Variants in BACH2 observed in about 807,000 individuals in gnomAD.
BACH2 encodes BACH transcriptional regulator 2.
BACH2 carries 5 observed loss-of-function variants against 61.8 expected under a neutral mutation model. The ratio of observed to expected loss-of-function variants is 0.08; its 90% CI spans 0.04 to 0.17. The LOEUF is 0.17. Ranked by LOEUF, BACH2 falls within the 10% of genes least tolerant of loss-of-function variation. The probability of loss-of-function intolerance (pLI) is 1.00; values close to 1 mark genes in which losing one functional copy is unlikely to be tolerated. For synonymous variants in BACH2, 446 were observed against 440.1 expected (o/e 1.01, Z -0.17); for missense variants, 824 against 1,091.1 (o/e 0.76, Z 3.45).
At chr6:89,954,833 T>C (rs1774337832) in intron 6 of BACH2, among the ~76,000 whole-genome samples, 1 of 152,190 alleles carries the variant, frequency 6.6e-6, no homozygotes, top group South Asian at 2.1e-4. Flanking sequence ...ATGATCGTCA[T>C]ATGGTCATGA....
chr6:90,070,648 C>T (rs1781183610), intron 5 of BACH2, among the ~76,000 whole-genome samples: 1 of 152,192 alleles, frequency 6.6e-6, no homozygotes, highest in South Asian at 2.1e-4. Context: ...CCTAAAAAGA[C>T]AATGACTCTC....
intron 4 of BACH2, among the ~76,000 whole-genome samples, chr6:90,123,323 C>T (rs149645403): frequency 1.3e-5 from 2 of 152,150 alleles, no homozygotes; most frequent in Admixed American, 1.3e-4. Flanking sequence ...TGCCCTGAAG[C>T]CTTTGGAGGA....
intron 6 of BACH2, among the ~76,000 whole-genome samples, chr6:89,970,944 T>C (rs1332376927): frequency 6.6e-6 from 1 of 152,232 alleles, no homozygotes; most frequent in African/African-American, 2.4e-5. Context: ...CTTAACGGTG[T>C]ATTTTTTAGG....
chr6:89,986,372 T>C (rs1776243530), intron 6 of BACH2, among the ~76,000 whole-genome samples: 3 of 152,280 alleles, frequency 2.0e-5, no homozygotes, highest in African/African-American at 7.2e-5. Context: ...TTGCTTTCTC[T>C]GTAATAGAGA....
chr6:90,235,015 T>C (rs115586782), intron 3 of BACH2, among the ~76,000 whole-genome samples: 3 of 152,336 alleles, frequency 2.0e-5, no homozygotes, highest in South Asian at 4.1e-4. Context: ...ATCATCATAG[T>C]CAGCAACCTG....
At chr6:90,103,247 C>G (rs1782755442) in intron 4 of BACH2, among the ~76,000 whole-genome samples, 1 of 151,490 alleles carries the variant, frequency 6.6e-6, no homozygotes, top group South Asian at 2.1e-4. Flanking sequence ...CTGAGAGTTT[C>G]TATGCTGCAT....
chr6:90,264,354 C>T (rs1771259881), intron 2 of BACH2, among the ~76,000 whole-genome samples: 1 of 152,136 alleles, frequency 6.6e-6, no homozygotes, highest in Non-Finnish European at 1.5e-5. Context: ...AAATGAACCC[C>T]TCTTGCCAAC....
chr6:89,988,461 C>T (rs1776361292), intron 6 of BACH2, among the ~76,000 whole-genome samples: 1 of 152,194 alleles, frequency 6.6e-6, no homozygotes, highest in African/African-American at 2.4e-5. Flanking sequence ...ATATTGTACA[C>T]ACCCTGCCAT....
chr6:90,275,533 G>T (rs997029462), intron 1 of BACH2, among the ~76,000 whole-genome samples: 2 of 152,102 alleles, frequency 1.3e-5, no homozygotes, highest in African/African-American at 4.8e-5. Context: ...AGGGTTACAT[G>T]TGCAGATTTG....
rs1772420406 is a variant in BACH2, at chr6:90,296,833, C to CGGCGCTGTTTGCTCCGCGCCGCGCGGCTT, written c.-800_-799insAAGCCGCGCGGCGCGGAGCAAACAGCGCC. 1 of 176,258 alleles carries CGGCGCTGTTTGCTCCGCGCCGCGCGGCTT rather than the reference C, an allele frequency of 5.7e-6. No individual in the cohort carries two copies. The highest frequency in any genetic ancestry group is 2.4e-5 in the African/African-American group (1 of 41,686). The allele number at this position is 176,258 out of a possible 1,614,324, so 10.9% of individuals were successfully genotyped here. A position where few individuals can be genotyped will look rare whatever the true frequency, so the allele number is the denominator to read the frequency against. Reference sequence around the variant, plus strand: ...TGCTGCTGCTGAGGCGGCGGCGGCTCGGCGCTGTTTGCTCCGCGCCGCGCG... The same window carrying CGGCGCTGTTTGCTCCGCGCCGCGCGGCTT: ...TGCTGCTGCTGAGGCGGCGGCGGCTCGGCGCTGTTTGCTCCGCGCCGCGCGGCTTGGCGCTGTTTGCTCCGCGCCGCGCG... On this transcript the variant is annotated 5_prime_UTR_variant, in exon 1 of 9. Transcript: ENST00000257749.
At chr6:90,244,081 C>T (rs1027044044) in intron 3 of BACH2, among the ~76,000 whole-genome samples, 1 of 152,166 alleles carries the variant, frequency 6.6e-6, no homozygotes, top group East Asian at 1.9e-4. Context: ...GCCACCACAC[C>T]CGGCTAATTT....
chr6:90,101,415 A>G (rs1462170485), intron 4 of BACH2, among the ~76,000 whole-genome samples: 1 of 152,144 alleles, frequency 6.6e-6, no homozygotes, highest in Non-Finnish European at 1.5e-5. Flanking sequence ...ATTTTTGTAT[A>G]TGGTGTAAGG....
chr6:90,274,833 G>C (rs1400202557), intron 1 of BACH2, among the ~76,000 whole-genome samples: 1 of 152,230 alleles, frequency 6.6e-6, no homozygotes, highest in Non-Finnish European at 1.5e-5. Context: ...GGCAGCATAA[G>C]TGCATAATCT....
At chr6:90,068,937 T>C (rs1313930519) in intron 5 of BACH2, among the ~76,000 whole-genome samples, 1 of 152,200 alleles carries the variant, frequency 6.6e-6, no homozygotes, top group African/African-American at 2.4e-5. Flanking sequence ...ACTTACAGCA[T>C]GTACCAGTTT....
chr6:90,293,127 G>T lies in BACH2; in HGVS notation c.-446+3353C>A, dbSNP rs201435978. ...TATACCAAATATGAGGTCCTTCTGA[G>T]CAGGGAAGAGGAAGGGGGCCTATGT... On this transcript the variant is annotated intron_variant, in intron 1 of 8. Transcript: ENST00000257749. Among the ~76,000 whole-genome samples, 7 of 152,338 alleles carry T rather than the reference G, an allele frequency of 4.6e-5. No homozygotes were observed. In the East Asian group the frequency reaches 1.2e-3, roughly 25 times the overall value.
At chr6:90,257,969 T>A (rs1771037539) in intron 2 of BACH2, among the ~76,000 whole-genome samples, 1 of 152,088 alleles carries the variant, frequency 6.6e-6, no homozygotes, top group Non-Finnish European at 1.5e-5. Context: ...AGAGATGGGG[T>A]TTCACCATGT....
rs1481798200 is a variant in BACH2 at position 90,267,234 on chromosome 6, C to CA, written c.-353+4614dup. On this transcript the variant is annotated intron_variant, in intron 2 of 8. Transcript: ENST00000257749. The stretch of plus-strand genomic sequence containing the variant: ...TACCACAGACAGAAAACTTGGTACA[C>CA]AAAAGACCTAATAAAATAAAATCTG... Among the ~76,000 whole-genome samples the CA allele has an allele frequency of 2.6e-5, 4 of 152,128 alleles. No individual in the cohort carries two copies. The East Asian group carries it at 7.7e-4, about 29-fold the overall frequency.
At chr6:90,208,282 G>A (rs531510348) in intron 3 of BACH2, among the ~76,000 whole-genome samples, 1 of 152,114 alleles carries the variant, frequency 6.6e-6, no homozygotes, top group South Asian at 2.1e-4. Context: ...CTACAGATGG[G>A]AGAAAGTTTT....
intron 5 of BACH2, among the ~76,000 whole-genome samples, chr6:90,080,538 G>C (rs1209021960): frequency 6.6e-6 from 1 of 152,170 alleles, no homozygotes; most frequent in Non-Finnish European, 1.5e-5. Context: ...AGAGAAGATA[G>C]AGATGAGAGT....
Sources: allele counts gnomAD v4.1 joint callset (sites outside exome capture counted in the v4.1 genomes callset), GRCh38; gene constraint gnomAD v4.1.1; transcripts MANE v1.5; gene names NCBI Gene and HGNC (gene_info 2026-07-23, HGNC 2026-07-21).